SCN9A: variants seen among roughly 807,000 people sequenced by gnomAD.
SCN9A encodes sodium channel protein type 9 subunit alpha.
A neutral mutation model predicts 187.0 loss-of-function variants in SCN9A; 131 were observed. That is an observed-to-expected ratio of 0.70 (90% CI 0.61 to 0.81). The LOEUF (loss-of-function observed/expected upper bound fraction) is 0.81. SCN9A is among the 30% of genes least tolerant of loss of function. SCN9A has a pLI of 0.00. For synonymous variants in SCN9A, 809 were observed against 808.6 expected, an observed-to-expected ratio of 1.00 and a Z score of -0.01; for missense variants, 2,252 against 2,396.6, an observed-to-expected ratio of 0.94 and a Z score of 1.26.
chr2:166,221,795 A>G (rs1694596709), intron 24 of SCN9A, among the ~76,000 whole-genome samples: 1 of 152,208 alleles, frequency 6.6e-6, no homozygotes, highest in African/African-American at 2.4e-5. Flanking sequence ...GAAACAGGAT[A>G]GAGAGCCCAG....
intron 1 of SCN9A, among the ~76,000 whole-genome samples, chr2:166,327,091 C>A (rs115074698): frequency 2.6e-5 from 4 of 152,024 alleles, no homozygotes; most frequent in African/African-American, 9.7e-5. Context: ...TTTAATATTG[C>A]GTTTATACCA....
At chr2:166,305,619 G>C (rs1050287447) in intron 5 of SCN9A, among the ~76,000 whole-genome samples, 173 bp downstream of exon 5, 3 of 151,954 alleles carry the variant, frequency 2.0e-5, no homozygotes, top group African/African-American at 4.8e-5. Context: ...TAGTCTTTTT[G>C]AAAAATTTAG....
At chr2:166,271,857 C>T (rs1472879418) in intron 17 of SCN9A, among the ~76,000 whole-genome samples, 1 of 149,806 alleles carries the variant, frequency 6.7e-6, no homozygotes, top group Non-Finnish European at 1.5e-5. Context: ...GACCTGTCTC[C>T]GTTTTTTAAA....
chr2:166,297,528 A>T (rs1698370957), intron 7 of SCN9A, among the ~76,000 whole-genome samples: 1 of 152,160 alleles, frequency 6.6e-6, no homozygotes. Flanking sequence ...CATATATTAT[A>T]TGCTTCCATG....
intron 1 of SCN9A, among the ~76,000 whole-genome samples, chr2:166,361,608 T>C (rs1210534618): frequency 6.6e-6 from 1 of 151,982 alleles, no homozygotes; most frequent in Non-Finnish European, 1.5e-5. Context: ...AAAGATTTAA[T>C]AACAAAAACA....
rs200817435 is a variant in SCN9A at position 166,272,401 on chromosome 2, C to A, written c.3349G>T (p.Val1117Leu). The A allele has an allele frequency of 7.3e-5, 113 of 1,556,928 alleles. No homozygotes were observed. The highest frequency in any genetic ancestry group is 9.4e-5 in the Non-Finnish European group (108 of 1,143,386). Residue 1117 changes from valine to leucine, a missense_variant and splice_region_variant, in exon 17 of 27, where the codon GTG becomes TTG. Val to Leu is a conservative substitution (Grantham distance 32, BLOSUM62 1). Around this residue, in one of 7 missense-constraint regions of SCN9A, gnomAD observed 313 missense variants for 295.3 expected, o/e 1.06. Transcript: ENST00000642356. ...CAAAGTATATGAAGCATTCTTACCA[C>A]TTTGCTGTATTCACTATCCGAATCA... ...SSDSDSEYSKVRLNRSSSSEC... is the reference protein window; with the variant it reads ...SSDSDSEYSKLRLNRSSSSEC...
chr2:166,215,454 A>G (rs1465336726), intron 24 of SCN9A, among the ~76,000 whole-genome samples: 1 of 152,158 alleles, frequency 6.6e-6, no homozygotes, highest in Non-Finnish European at 1.5e-5. Flanking sequence ...AGATAATGAT[A>G]GAAATAAACA....
chr2:166,258,438 C>T (rs1006268936), intron 17 of SCN9A, among the ~76,000 whole-genome samples: 1 of 151,308 alleles, frequency 6.6e-6, no homozygotes, highest in African/African-American at 2.4e-5. Context: ...TAAAATTAAA[C>T]ATTTTGAACA....
chr2:166,323,245 C>T (rs1375906908), intron 1 of SCN9A, among the ~76,000 whole-genome samples: 1 of 152,038 alleles, frequency 6.6e-6, no homozygotes, highest in Non-Finnish European at 1.5e-5. Flanking sequence ...GAACAGAATA[C>T]AAGAATGATC....
chr2:166,306,153 T>C (rs1053347599), intron 4 of SCN9A, among the ~76,000 whole-genome samples: 3 of 152,048 alleles, frequency 2.0e-5, no homozygotes, highest in African/African-American at 7.2e-5. Context: ...AGAATATAGG[T>C]CTCAGATCTG....
intron 1 of SCN9A, among the ~76,000 whole-genome samples, chr2:166,312,607 A>C (rs1480400904): frequency 3.3e-5 from 5 of 152,168 alleles, no homozygotes; most frequent in Non-Finnish European, 7.3e-5. Context: ...GACCCATCAG[A>C]GGAATCACTA....
intron 1 of SCN9A, among the ~76,000 whole-genome samples, chr2:166,316,220 G>T (rs560181527): frequency 1.3e-5 from 2 of 152,052 alleles, no homozygotes; most frequent in East Asian, 1.9e-4. Context: ...AAATACAAAT[G>T]GTTAATAAAC....
intron 2 of SCN9A, among the ~76,000 whole-genome samples, chr2:166,308,274 G>T (rs2106529545): frequency 6.6e-6 from 1 of 152,178 alleles, no homozygotes; most frequent in Non-Finnish European, 1.5e-5. Context: ...CAATTGTATT[G>T]ACATGGTTTG....
chr2:166,268,381 T>C (rs529371404), intron 17 of SCN9A, among the ~76,000 whole-genome samples: 132 of 151,916 alleles, frequency 8.7e-4, no homozygotes, highest in African/African-American at 3.0e-3. Context: ...CTTTGGCTCA[T>C]CCAGGCTCAT....
At chr2:166,251,572 A>G (rs981982056) in intron 18 of SCN9A, among the ~76,000 whole-genome samples, 193 bp downstream of exon 18, 6 of 152,058 alleles carry the variant, frequency 3.9e-5, no homozygotes, top group African/African-American at 1.4e-4. Context: ...CTGTTAGTCA[A>G]GTGCCATAGA....
At chr2:166,218,145 A>G (rs1418271788) in intron 24 of SCN9A, among the ~76,000 whole-genome samples, 1 of 151,832 alleles carries the variant, frequency 6.6e-6, no homozygotes, top group Non-Finnish European at 1.5e-5. Context: ...CAAAACTTTA[A>G]AAGAACAAAT....
chr2:166,272,084 G>A (rs1481334369), intron 17 of SCN9A, among the ~76,000 whole-genome samples: 1 of 151,918 alleles, frequency 6.6e-6, no homozygotes, highest in East Asian at 1.9e-4. Flanking sequence ...AAGGAGAGGT[G>A]GATTCAAACA....
intron 21 of SCN9A, among the ~76,000 whole-genome samples, chr2:166,231,323 T>C (rs538032249): frequency 6.6e-6 from 1 of 152,320 alleles, no homozygotes; most frequent in Admixed American, 6.5e-5. Context: ...GCTTATGAAC[T>C]TTTTTGTATA....
intron 17 of SCN9A, among the ~76,000 whole-genome samples, chr2:166,267,530 T>C (rs1031041520): frequency 6.6e-6 from 1 of 151,886 alleles, no homozygotes; most frequent in Non-Finnish European, 1.5e-5. Flanking sequence ...CGTGTGTGTG[T>C]GTCCCTGTCT....
Sources: allele counts gnomAD v4.1 joint callset (sites outside exome capture counted in the v4.1 genomes callset), GRCh38; gene constraint gnomAD v4.1.1; regional missense constraint gnomAD v4.1.1; transcripts MANE v1.5; gene names NCBI Gene and HGNC (gene_info 2026-07-23, HGNC 2026-07-21).